The following MECOM variants were observed in gnomAD, a reference collection of about 807,000 sequenced individuals.
The protein encoded by MECOM is histone-lysine N-methyltransferase MECOM.
Under a neutral mutation model 116.3 loss-of-function variants are expected in MECOM, and 13 were observed. The observed-to-expected ratio is 0.11, with a 90% CI of 0.07 to 0.18. The LOEUF (loss-of-function observed/expected upper bound fraction) is 0.18. Among genes scored for constraint, MECOM ranks in the 10% least tolerant of loss-of-function variants. The probability of loss-of-function intolerance (pLI) is 1.00; values close to 1 mark genes in which losing one functional copy is unlikely to be tolerated. For missense variants in MECOM, 1,299 were observed against 1,509.0 expected, an observed-to-expected ratio of 0.86 and a Z score of 2.31; for synonymous variants, 528 against 535.2, an observed-to-expected ratio of 0.99 and a Z score of 0.19.
intron 1 of MECOM, among the ~76,000 whole-genome samples, chr3:169,544,254 G>T (rs1362962542): frequency 1.3e-5 from 2 of 152,196 alleles, no homozygotes; most frequent in African/African-American, 4.8e-5. Context: ...GTAAAGCAGT[G>T]CCTGGCACAT....
chr3:169,341,683 T>C (rs1398842690), intron 2 of MECOM, among the ~76,000 whole-genome samples: 1 of 143,534 alleles, frequency 7.0e-6, no homozygotes, highest in East Asian at 2.0e-4. Flanking sequence ...GAGGTTGCAG[T>C]GAGCCAGTAT....
intron 2 of MECOM, among the ~76,000 whole-genome samples, chr3:169,212,711 C>A (rs1750929026): frequency 7.1e-6 from 1 of 140,898 alleles, no homozygotes. Flanking sequence ...TGGCTACCTC[C>A]ACTTTGTCAC....
intron 1 of MECOM, among the ~76,000 whole-genome samples, chr3:169,627,192 A>G (rs769035331): frequency 6.6e-6 from 1 of 152,218 alleles, no homozygotes; most frequent in Non-Finnish European, 1.5e-5. Flanking sequence ...GTCTGGTGAA[A>G]GCAGGTGTAC....
chr3:169,311,701 T>C (rs765066516), intron 2 of MECOM, among the ~76,000 whole-genome samples: 3 of 152,130 alleles, frequency 2.0e-5, no homozygotes, highest in Non-Finnish European at 4.4e-5. Context: ...TTTGTACTTT[T>C]GTTTTTCAAA....
chr3:169,571,655 T>C (rs917689717), intron 1 of MECOM, among the ~76,000 whole-genome samples: 1 of 152,016 alleles, frequency 6.6e-6, no homozygotes, highest in African/African-American at 2.4e-5. Context: ...TATAGACCAA[T>C]GGAACAGAAC....
At chr3:169,190,382 C>T (rs1263817614) in intron 2 of MECOM, among the ~76,000 whole-genome samples, 1 of 151,894 alleles carries the variant, frequency 6.6e-6, no homozygotes, top group Admixed American at 6.6e-5. Flanking sequence ...TTCATAACTC[C>T]AGAATTAAGC....
chr3:169,166,981 G>T (rs56210334), intron 2 of MECOM, among the ~76,000 whole-genome samples: 1 of 152,058 alleles, frequency 6.6e-6, no homozygotes, highest in Non-Finnish European at 1.5e-5. Flanking sequence ...TGAGTTTAAA[G>T]AATTGTAGCT....
In MECOM at chr3:169,381,199, A is replaced by T. The variant is rs1732334465; in HGVS notation, c.363T>A (p.Ser121Arg). Residue 121 changes from serine (S) to arginine (R), a missense_variant, in exon 2 of 17, where the codon AGT (serine) becomes AGA (arginine). This residue lies in a region of MECOM where 374 missense variants were observed against 433.4 expected (regional missense o/e 0.86). Coordinates refer to ENST00000651503, the MANE Select transcript of MECOM (RefSeq NM_004991.4). ...GEQRSNLKDP[S>R]YGWEILDEFY... Reference sequence around the variant, plus strand: ...AATACATTCTTACCTCCCATCCATAACTGGGGTCTTTCAGGTTTGACCTCT... The same window carrying T: ...AATACATTCTTACCTCCCATCCATATCTGGGGTCTTTCAGGTTTGACCTCT... 1.9e-6 allele frequency: 3 copies of T among 1,606,022 alleles called. No homozygotes were observed. In the African/African-American group the frequency reaches 4.0e-5, roughly 21 times the overall value.
chr3:169,122,391 A>T (rs16853198), intron 6 of MECOM, among the ~76,000 whole-genome samples, 189 bp downstream of exon 6: 1 of 152,182 alleles, frequency 6.6e-6, no homozygotes, highest in Admixed American at 6.5e-5. Flanking sequence ...TTACAAAAAT[A>T]AAAGGATACC....
Position 169,095,071 on chromosome 3 carries a change from C to T in MECOM, c.3019+5G>A. The T allele has an allele frequency of 1.9e-6, 3 of 1,563,686 alleles. No homozygotes were observed. Among genetic ancestry groups the T allele is most frequent in the East Asian group, 2.3e-5 (1 of 43,632 alleles). On this transcript the variant is annotated splice_donor_5th_base_variant and intron_variant, in intron 13 of 16. Coordinates refer to ENST00000651503, the MANE Select transcript of MECOM (RefSeq NM_004991.4). The stretch of plus-strand genomic sequence containing the variant: ...CTTTGACTTATAACACAATTTATTA[C>T]GTACCGGACATGTTCCCATTCTCAT...
chr3:169,485,856 C>T lies in MECOM; in HGVS notation c.38-104332G>A, dbSNP rs560559198. On this transcript the variant is annotated intron_variant, in intron 1 of 16. Transcript: ENST00000651503. ...ATATATATGTGTGTGTGTGTATATA[C>T]CATATGTATAGTATATATGTATATA... 1.9e-4 allele frequency among the ~76,000 whole-genome samples: 22 copies of T among 118,508 alleles called. 2 individuals are homozygous for T. The highest frequency in any genetic ancestry group is 5.5e-4 in the Admixed American group (6 of 10,964). The allele number at this position is 118,508 out of a possible 152,430, so 77.7% of individuals were successfully genotyped here.
intron 1 of MECOM, among the ~76,000 whole-genome samples, chr3:169,581,864 G>C (rs1374921605): frequency 6.6e-6 from 1 of 152,238 alleles, no homozygotes. Flanking sequence ...AGGTCTGACA[G>C]GGATATGACT....
At chr3:169,613,050 A>G (rs1202824859) in intron 1 of MECOM, among the ~76,000 whole-genome samples, 1 of 152,246 alleles carries the variant, frequency 6.6e-6, no homozygotes, top group Non-Finnish European at 1.5e-5. Flanking sequence ...AGATTACATC[A>G]AAGTTAAATT....
chr3:169,124,739 T>C (rs775669939), intron 5 of MECOM, among the ~76,000 whole-genome samples: 6 of 152,128 alleles, frequency 3.9e-5, no homozygotes, highest in African/African-American at 1.2e-4. Flanking sequence ...GCTGAACATA[T>C]GGGATTTTAA....
chr3:169,514,064 C>G (rs2109040962), intron 1 of MECOM, among the ~76,000 whole-genome samples: 1 of 152,208 alleles, frequency 6.6e-6, no homozygotes, highest in East Asian at 1.9e-4. Flanking sequence ...TACCCCAAAC[C>G]AAAAAGAAAT....
chr3:169,535,591 C>G (rs1352824203), intron 1 of MECOM, among the ~76,000 whole-genome samples: 1 of 152,180 alleles, frequency 6.6e-6, no homozygotes, highest in Non-Finnish European at 1.5e-5. Context: ...CTTGTGGCAT[C>G]CCCTTTTCTC....
chr3:169,101,140 C>T (rs1212263749), intron 11 of MECOM, among the ~76,000 whole-genome samples, 178 bp from the exon 12 acceptor site: 3 of 133,834 alleles, frequency 2.2e-5, no homozygotes, highest in Non-Finnish European at 5.1e-5. Context: ...AATAACTCTA[C>T]AAATAAAGAC....
chr3:169,636,627 C>T (rs927858396), intron 1 of MECOM, among the ~76,000 whole-genome samples: 6 of 152,154 alleles, frequency 3.9e-5, no homozygotes, highest in East Asian at 1.9e-4. Flanking sequence ...TTTAGACTTT[C>T]GAAGGTTCGT....
At chr3:169,647,391 T>C (rs1398340686) in intron 1 of MECOM, among the ~76,000 whole-genome samples, 1 of 152,202 alleles carries the variant, frequency 6.6e-6, no homozygotes, top group Non-Finnish European at 1.5e-5. Flanking sequence ...TTATAAATTA[T>C]CTCCATTTTA....
Sources: allele counts gnomAD v4.1 joint callset (sites outside exome capture counted in the v4.1 genomes callset), GRCh38; gene constraint gnomAD v4.1.1; regional missense constraint gnomAD v4.1.1; transcripts MANE v1.5; gene names NCBI Gene and HGNC (gene_info 2026-07-23, HGNC 2026-07-21).